The following RNF149 variants were observed in gnomAD, a reference collection of about 807,000 sequenced individuals.
The protein encoded by RNF149 is E3 ubiquitin-protein ligase RNF149.
A neutral mutation model predicts 39.0 loss-of-function variants in RNF149; 21 were observed. The observed-to-expected ratio is 0.54, with a 90% CI of 0.38 to 0.77. The LOEUF is 0.77. Ranked by LOEUF, RNF149 falls within the 30% of genes least tolerant of loss-of-function variation. The pLI is 0.00. For missense variants in RNF149, 493 were observed against 534.9 expected (o/e 0.92, Z 0.77); for synonymous variants, 209 against 213.6 (o/e 0.98, Z 0.19).
At chr2:101,286,246 C>A in intron 4 of RNF149, 69 bp from the exon 5 acceptor site, 1 of 908,726 alleles carries the variant, frequency 1.1e-6, no homozygotes, top group South Asian at 1.5e-5. Flanking sequence ...GGAAATAAGA[C>A]ATTGTACCAA....
chr2:101,295,049 C>G lies in RNF149; in HGVS notation c.593G>C (p.Gly198Ala). The change falls in exon 2 of 7, where the codon GGT becomes GCT. Residue 198 changes from glycine to alanine, a missense_variant. Gly to Ala is a moderately conservative substitution (Grantham distance 60, BLOSUM62 0). Transcript: ENST00000295317. Reference sequence around the variant, plus strand: ...AATGGCCACAAACACCACAGACTGACCGCTGATGAACTCCTGTACATGCCG... The same window carrying G: ...AATGGCCACAAACACCACAGACTGAGCGCTGATGAACTCCTGTACATGCCG... ...GTRHVQEFIS[G>A]QSVVFVAIAF... The G allele has an allele frequency of 6.2e-7, 1 of 1,614,188 alleles. No individual in the cohort carries two copies. The highest frequency in any genetic ancestry group is 8.5e-7 in the Non-Finnish European group (1 of 1,180,044).
chr2:101,300,480 T>C (rs1053933903), intron 1 of RNF149, among the ~76,000 whole-genome samples: 2 of 152,214 alleles, frequency 1.3e-5, no homozygotes, highest in Admixed American at 6.5e-5. Context: ...AAATTCATCT[T>C]AGCTTGCTGA....
At chr2:101,293,511 A>C (rs1683098569) in intron 3 of RNF149, among the ~76,000 whole-genome samples, 3 of 152,196 alleles carry the variant, frequency 2.0e-5, no homozygotes, top group African/African-American at 7.2e-5. Flanking sequence ...ATGATTTCGA[A>C]CTTTTAAGTG....
chr2:101,296,859 T>A (rs79049825), intron 1 of RNF149, among the ~76,000 whole-genome samples: 12,537 of 152,132 alleles, frequency 0.082, 558 homozygotes, highest in African/African-American at 0.096. Flanking sequence ...AATTTTTTTT[T>A]AATTACATAA....
At chr2:101,296,656 C>T (rs926080392) in intron 1 of RNF149, among the ~76,000 whole-genome samples, 11 of 152,054 alleles carry the variant, frequency 7.2e-5, no homozygotes, top group African/African-American at 1.2e-4. Flanking sequence ...ATCATCAGTG[C>T]GGCGGGTCGG....
At chr2:101,303,450 T>C (rs986952518) in intron 1 of RNF149, among the ~76,000 whole-genome samples, 14 of 152,104 alleles carry the variant, frequency 9.2e-5, no homozygotes, top group African/African-American at 3.1e-4. Context: ...TAAATTCAAA[T>C]CTAAATTTTT....
At chr2:101,275,219 G>T (rs1414114593), downstream of RNF149, among the ~76,000 whole-genome samples, 1 of 136,678 alleles carries the variant, frequency 7.3e-6, no homozygotes, top group Admixed American at 8.3e-5. Flanking sequence ...CCAGGTTCAA[G>T]CGATTCTCCT....
intron 5 of RNF149, among the ~76,000 whole-genome samples, chr2:101,284,163 G>C (rs891065395): frequency 9.9e-5 from 15 of 152,200 alleles, no homozygotes; most frequent in Non-Finnish European, 2.9e-5. Context: ...AGAAATTCTA[G>C]AAGAGAGACA....
chr2:101,278,305 C>A (rs1682429119), intron 6 of RNF149, among the ~76,000 whole-genome samples: 1 of 152,044 alleles, frequency 6.6e-6, no homozygotes, highest in South Asian at 2.1e-4. Context: ...TAGGCACACG[C>A]CACCACGCCC....
intron 5 of RNF149, 37 bp downstream of exon 5, chr2:101,286,044 G>A: frequency 8.4e-7 from 1 of 1,185,170 alleles, no homozygotes; most frequent in Non-Finnish European, 1.3e-6. Flanking sequence ...AGGAAGAACT[G>A]GGGCAGAGAT....
downstream of RNF149, chr2:101,272,820 C>T: frequency 1.8e-6 from 1 of 564,406 alleles, no homozygotes; most frequent in Non-Finnish European, 2.9e-6. Context: ...GTATTTCATC[C>T]CCAGTATATG....
In RNF149 at chr2:101,308,448, C is replaced by T; in HGVS notation, c.141G>A (p.Val47=). The T allele has an allele frequency of 1.2e-6, 2 of 1,611,626 alleles. No individual in the cohort carries two copies. The highest frequency in any genetic ancestry group is 1.7e-6 in the Non-Finnish European group (2 of 1,179,390). ...WFSAVVNIEY[V]DPQTNLTVWS... ...ACACCGTCAGGTTGGTCTGCGGGTC[C>T]ACGTACTCGATGTTTACCACGGCCG... The change falls in exon 1 of 7, where the codon GTG becomes GTA. Residue 47 remains valine (V), a synonymous_variant. Coordinates refer to ENST00000295317, the MANE Select transcript of RNF149 (RefSeq NM_173647.4).
At chr2:101,304,233 C>T (rs919787361) in intron 1 of RNF149, among the ~76,000 whole-genome samples, 3 of 152,012 alleles carry the variant, frequency 2.0e-5, no homozygotes, top group Non-Finnish European at 4.4e-5. Context: ...CCCATCTTTA[C>T]AAAAAATACA....
intron 6 of RNF149, among the ~76,000 whole-genome samples, chr2:101,281,231 T>C (rs1164870376): frequency 8.9e-6 from 1 of 111,928 alleles, no homozygotes; most frequent in Non-Finnish European, 2.2e-5. Flanking sequence ...TAATACTCTG[T>C]AGCTGTAAAA....
At chr2:101,274,959 T>A (rs548859031), downstream of RNF149, among the ~76,000 whole-genome samples, 62 of 149,986 alleles carry the variant, frequency 4.1e-4, no homozygotes, top group Non-Finnish European at 8.4e-4. Flanking sequence ...GCTAATTTTG[T>A]ATTTTTTTTT....
At chr2:101,272,795 A>C, downstream of RNF149, 1 of 406,342 alleles carries the variant, frequency 2.5e-6, no homozygotes, top group Non-Finnish European at 4.5e-6. Flanking sequence ...TTACTGGGGA[A>C]TTTGGTTACA....
Position 101,294,941 on chromosome 2 carries a change from A to G in RNF149, c.701T>C (p.Ile234Thr), listed in dbSNP as rs778522128. 8 of 1,610,416 alleles carry G rather than the reference A, an allele frequency of 5.0e-6. No homozygotes were observed. The East Asian group carries it at 1.1e-4, about 22-fold the overall frequency. The change falls in exon 2 of 7, where the codon ATT becomes ACT. Residue 234 changes from isoleucine to threonine, a missense_variant. Transcript: ENST00000295317. Reference protein sequence around the residue: ...IQRFLYTGSQIGSQSHRKETK... With the variant: ...IQRFLYTGSQTGSQSHRKETK... ...GTTATCCATCATTACCTGACTTCCA[A>G]TCTGAGAGCCAGTATATAGGAAACG...
downstream of RNF149, chr2:101,273,438 C>T: frequency 7.0e-6 from 3 of 426,642 alleles, no homozygotes; most frequent in South Asian, 1.7e-5. Context: ...ATCTTATCAA[C>T]TTAAAACTTT....
Position 101,308,537 on chromosome 2 carries a change from G to C in RNF149, c.52C>G (p.Leu18Val), listed in dbSNP as rs1683776881. Residue 18 changes from leucine to valine, a missense_variant, in exon 1 of 7, where the codon CTG (leucine) becomes GTG (valine). Transcript: ENST00000295317. The stretch of plus-strand genomic sequence containing the variant: ...CACAGGGCCAGGGCGAGCAACGCCA[G>C]AGCCAACACGCCGCGAGCCCCGACG... ...ASVGARGVLA[L>V]ALLALALCVP... 1.3e-6 allele frequency: 2 copies of C among 1,598,158 alleles called. No homozygotes were observed. Among genetic ancestry groups the C allele is most frequent in the African/African-American group, 1.4e-5 (1 of 73,346 alleles).
Sources: gnomAD v4.1 joint callset for allele counts (sites outside exome capture counted in the v4.1 genomes callset) on GRCh38, gnomAD v4.1.1 for gene constraint, MANE v1.5 for transcripts, NCBI Gene and HGNC (gene_info 2026-07-23, HGNC 2026-07-21) for gene names.